The following COLEC10 variants were observed in gnomAD, a reference collection of about 807,000 sequenced individuals.
COLEC10 encodes collectin-10.
COLEC10 carries 22 observed loss-of-function variants against 28.4 expected under a neutral mutation model. The ratio of observed to expected loss-of-function variants is 0.78; its 90% CI spans 0.55 to 1.11. COLEC10 has a LOEUF of 1.11. Ranked by LOEUF, COLEC10 falls within the 50% of genes least tolerant of loss-of-function variation. The probability of loss-of-function intolerance (pLI) is 0.00; values close to 1 mark genes in which losing one functional copy is unlikely to be tolerated. For missense variants in COLEC10, 361 were observed against 344.1 expected, an observed-to-expected ratio of 1.05 and a Z score of -0.39; for synonymous variants, 125 against 116.1, an observed-to-expected ratio of 1.08 and a Z score of -0.49.
chr8:119,014,819 C>T (rs573972391), intron 2 of COLEC10, among the ~76,000 whole-genome samples: 13 of 151,058 alleles, frequency 8.6e-5, no homozygotes, highest in South Asian at 2.1e-4. Context: ...TAGCCTGAAA[C>T]GCAGATTTTT....
intron 3 of COLEC10, among the ~76,000 whole-genome samples, chr8:119,098,356 T>C (rs1376637073): frequency 6.6e-6 from 1 of 152,104 alleles, no homozygotes; most frequent in Non-Finnish European, 1.5e-5. Flanking sequence ...GTTGAAAAAG[T>C]ACCAGTCTTG....
the COLEC10 span, among the ~76,000 whole-genome samples, chr8:118,969,092 G>C: frequency 6.6e-6 from 1 of 151,972 alleles, no homozygotes; most frequent in Admixed American, 6.6e-5. Context: ...TAAGAGGAAG[G>C]CAAGAGGATC....
chr8:118,989,160 C>T, the COLEC10 span, among the ~76,000 whole-genome samples: 1 of 152,044 alleles, frequency 6.6e-6, no homozygotes, highest in Non-Finnish European at 1.5e-5. Context: ...GAGAGATATT[C>T]TAAGAAAGAA....
chr8:119,096,804 A>G (rs1815727595), intron 3 of COLEC10, among the ~76,000 whole-genome samples: 1 of 152,114 alleles, frequency 6.6e-6, no homozygotes, highest in Non-Finnish European at 1.5e-5. Context: ...ACTTAACAAA[A>G]GAACATATTT....
chr8:118,956,171 C>T, the COLEC10 span, among the ~76,000 whole-genome samples: 3 of 152,072 alleles, frequency 2.0e-5, no homozygotes, highest in Admixed American at 6.6e-5. Flanking sequence ...GGGTACTAAT[C>T]GTATTTGTTA....
rs546033619 is a variant in COLEC10, at chr8:119,038,381, A to G, written n.235+28828A>G. On this transcript the variant is annotated intron_variant and non_coding_transcript_variant, in intron 2 of 6. Transcript: ENST00000521788. ...AAAAATTGCATGCTGGTTAAAGTCAAAGGATGGGACAGTGAATTTAAATGA... is the reference window on the plus strand; with the variant it reads ...AAAAATTGCATGCTGGTTAAAGTCAGAGGATGGGACAGTGAATTTAAATGA... 1.3e-4 allele frequency among the ~76,000 whole-genome samples: 20 copies of G among 152,334 alleles called. No individual in the cohort carries two copies. In the South Asian group the frequency reaches 3.9e-3, roughly 30 times the overall value.
intron 1 of COLEC10, among the ~76,000 whole-genome samples, chr8:118,996,589 T>G (rs1813594025): frequency 1.3e-5 from 2 of 152,178 alleles, no homozygotes; most frequent in Non-Finnish European, 2.9e-5. Context: ...GGTTCCGGTT[T>G]ACATTTATTT....
chr8:119,011,173 CTG>C (rs1813895600), intron 2 of COLEC10, among the ~76,000 whole-genome samples: 1 of 150,944 alleles, frequency 6.6e-6, no homozygotes, highest in Non-Finnish European at 1.5e-5. Context: ...GTTGTAAAGT[CTG>C]TGTCTAGATT....
rs185243476 is a variant in COLEC10 at position 119,075,768 on chromosome 8, C to A, written c.148+8339C>A. Among the ~76,000 whole-genome samples, 27 of 152,144 alleles carry A rather than the reference C, an allele frequency of 1.8e-4. No individual in the cohort carries two copies. The East Asian group carries it at 3.3e-3, about 18-fold the overall frequency. ...AGTTGTGAGTTATCTGAGGAGAAACCCTGTGCCCCCCATTCTACCTCCCTA... is the reference window on the plus strand; with the variant it reads ...AGTTGTGAGTTATCTGAGGAGAAACACTGTGCCCCCCATTCTACCTCCCTA... On this transcript the variant is annotated intron_variant, in intron 1 of 5. Transcript: ENST00000332843.
At chr8:119,053,192 G>A (rs773798694) in intron 2 of COLEC10, among the ~76,000 whole-genome samples, 3 of 152,072 alleles carry the variant, frequency 2.0e-5, no homozygotes, top group Non-Finnish European at 2.9e-5. Context: ...CAGGGAAACC[G>A]TAAAAGGGGG....
intron 1 of COLEC10, among the ~76,000 whole-genome samples, chr8:119,087,263 C>A (rs1411463572): frequency 6.6e-6 from 1 of 152,092 alleles, no homozygotes; most frequent in African/African-American, 2.4e-5. Flanking sequence ...TCCCACCATG[C>A]TTTGGGTCAC....
chr8:118,964,654 A>G, the COLEC10 span, among the ~76,000 whole-genome samples: 3 of 152,198 alleles, frequency 2.0e-5, no homozygotes, highest in Non-Finnish European at 2.9e-5. Flanking sequence ...TGATCTTGAG[A>G]AGGATATTGA....
the COLEC10 span, among the ~76,000 whole-genome samples, chr8:118,955,533 T>C: frequency 6.6e-5 from 10 of 152,208 alleles, no homozygotes; most frequent in African/African-American, 2.4e-4. Flanking sequence ...AGCCCTTTCT[T>C]TGAAAATTGG....
intron 2 of COLEC10, among the ~76,000 whole-genome samples, chr8:119,050,547 A>G (rs1229942905): frequency 6.6e-6 from 1 of 152,234 alleles, no homozygotes; most frequent in Non-Finnish European, 1.5e-5. Context: ...TTCTTGGGAA[A>G]AAAGTTCTAT....
In COLEC10 at chr8:119,095,490, G is replaced by T. The variant is rs144241343; in HGVS notation, c.292+4270G>T. 4.6e-3 allele frequency among the ~76,000 whole-genome samples: 700 copies of T among 152,220 alleles called. 2 individuals carry two copies. The highest frequency in any genetic ancestry group is 0.024 in the Middle Eastern group (7 of 294). ...GGCCGAGGTGGATGGATCACCTGAG[G>T]TCTGGAGTTTGAGACCAGCCTAGCC... On this transcript the variant is annotated intron_variant, in intron 3 of 5. Coordinates refer to ENST00000332843, the MANE Select transcript of COLEC10 (RefSeq NM_006438.5).
At chr8:118,967,848 C>T in the COLEC10 span, among the ~76,000 whole-genome samples, 6 of 151,936 alleles carry the variant, frequency 3.9e-5, no homozygotes, top group African/African-American at 1.4e-4. Flanking sequence ...CAGCAGTCCC[C>T]TTTAATGGCA....
At chr8:119,069,358 G>A (rs570300221) in intron 1 of COLEC10, among the ~76,000 whole-genome samples, 1 of 151,842 alleles carries the variant, frequency 6.6e-6, no homozygotes, top group East Asian at 1.9e-4. Context: ...ACTTTGGGAG[G>A]CCAAGGCAGG....
At chr8:118,958,184 G>A in the COLEC10 span, among the ~76,000 whole-genome samples, 2 of 152,164 alleles carry the variant, frequency 1.3e-5, no homozygotes, top group African/African-American at 4.8e-5. Context: ...CATCACCGCA[G>A]TTTCTTCTCA....
chr8:119,019,729 C>T (rs968145144), intron 2 of COLEC10, among the ~76,000 whole-genome samples: 22 of 152,138 alleles, frequency 1.4e-4, no homozygotes, highest in African/African-American at 2.9e-4. Flanking sequence ...GCCCTTCTCA[C>T]GACAGTGTCA....
Sources: allele counts gnomAD v4.1 joint callset (sites outside exome capture counted in the v4.1 genomes callset), GRCh38; gene constraint gnomAD v4.1.1; transcripts MANE v1.5; gene names NCBI Gene and HGNC (gene_info 2026-07-23, HGNC 2026-07-21).